Variants in LPP observed in about 807,000 individuals in gnomAD.
LPP encodes LIM domain containing preferred translocation partner in lipoma.
Under a neutral mutation model 60.4 loss-of-function variants are expected in LPP, and 38 were observed. That is an observed-to-expected ratio of 0.63 (90% confidence interval 0.49 to 0.83). The LOEUF (loss-of-function observed/expected upper bound fraction) is 0.83, where lower values mean the gene tolerates loss of function less well. Among genes scored for constraint, LPP ranks in the 40% least tolerant of loss-of-function variants. LPP has a pLI of 0.00. For synonymous variants in LPP, 328 were observed against 290.8 expected (o/e 1.13, Z -1.30); for missense variants, 902 against 783.6 (o/e 1.15, Z -1.80).
intron 1 of LPP, among the ~76,000 whole-genome samples, chr3:188,200,777 G>A (rs1272085194): frequency 6.6e-6 from 1 of 152,086 alleles, no homozygotes; most frequent in African/African-American, 2.4e-5. Flanking sequence ...TCTAGCTGGT[G>A]GAAATAGTCT....
chr3:188,487,233 C>T (rs1806814935), intron 5 of LPP, among the ~76,000 whole-genome samples: 1 of 152,070 alleles, frequency 6.6e-6, no homozygotes. Flanking sequence ...AAATGAAATA[C>T]AGATGGATTT....
chr3:188,742,068 T>C (rs9880140), intron 8 of LPP, among the ~76,000 whole-genome samples: 10,497 of 152,134 alleles, frequency 0.069, 487 homozygotes, highest in East Asian at 0.15. Flanking sequence ...TCAATATATG[T>C]AGTCATTAAA....
At chr3:188,590,722 C>A (rs1838514787) in intron 6 of LPP, among the ~76,000 whole-genome samples, 2 of 152,146 alleles carry the variant, frequency 1.3e-5, no homozygotes, top group Non-Finnish European at 2.9e-5. Flanking sequence ...CTGTGGCAAG[C>A]AGGAGGGCTC....
intron 9 of LPP, among the ~76,000 whole-genome samples, chr3:188,864,933 A>G (rs1239057501): frequency 1.3e-5 from 2 of 152,242 alleles, no homozygotes; most frequent in Non-Finnish European, 2.9e-5. Flanking sequence ...AAGCCAAATC[A>G]TAGGTCATTG....
intron 2 of LPP, among the ~76,000 whole-genome samples, chr3:188,287,041 C>G (rs528056289): frequency 6.6e-6 from 1 of 152,166 alleles, no homozygotes; most frequent in African/African-American, 2.4e-5. Context: ...GCTGGGATTA[C>G]AGGCACCCAT....
At chr3:188,795,566 T>G (rs1434557437) in intron 9 of LPP, among the ~76,000 whole-genome samples, 3 of 152,198 alleles carry the variant, frequency 2.0e-5, no homozygotes, top group Admixed American at 2.0e-4. Flanking sequence ...ACAAATATTC[T>G]ATTGGCTGGG....
chr3:188,705,321 A>T (rs959188292), intron 7 of LPP, among the ~76,000 whole-genome samples: 4 of 152,080 alleles, frequency 2.6e-5, no homozygotes, highest in African/African-American at 9.7e-5. Context: ...TCATCTTTGC[A>T]GGCTTGTTCC....
At chr3:188,542,983 A>T (rs1296548692) in intron 6 of LPP, among the ~76,000 whole-genome samples, 1 of 152,196 alleles carries the variant, frequency 6.6e-6, no homozygotes, top group South Asian at 2.1e-4. Context: ...ATCCCCATTT[A>T]TCTATCTCTA....
intron 2 of LPP, among the ~76,000 whole-genome samples, chr3:188,308,945 TCCTTCTC>T (rs766969972): frequency 6.6e-6 from 1 of 150,984 alleles, no homozygotes; most frequent in Non-Finnish European, 1.5e-5. Flanking sequence ...CTCCTCCTCC[TCCTTCTC>T]CCTTCTCCCT....
intron 3 of LPP, among the ~76,000 whole-genome samples, chr3:188,378,880 AT>A (rs1776067084): frequency 6.6e-6 from 1 of 151,974 alleles, no homozygotes; most frequent in Non-Finnish European, 1.5e-5. Context: ...CAGACATATC[AT>A]TTTCATTCCA....
At chr3:188,788,109 T>C (rs1742522047) in intron 9 of LPP, among the ~76,000 whole-genome samples, 1 of 152,258 alleles carries the variant, frequency 6.6e-6, no homozygotes, top group African/African-American at 2.4e-5. Flanking sequence ...TATCCACTTA[T>C]TAACCAATTT....
At chr3:188,419,706 A>G (rs966954778) in intron 4 of LPP, among the ~76,000 whole-genome samples, 4 of 151,984 alleles carry the variant, frequency 2.6e-5, no homozygotes, top group African/African-American at 9.7e-5. Flanking sequence ...TCTGGCCAAC[A>G]TGGCAAAACC....
intron 3 of LPP, among the ~76,000 whole-genome samples, chr3:188,371,641 ATTTTTTTTTTTT>A (rs1158606459): frequency 2.8e-3 from 90 of 32,136 alleles, no homozygotes; most frequent in African/African-American, 6.4e-3. Flanking sequence ...ATATATATAT[ATTTTTTTTTTTT>A]TTTTTTTTTT....
At chr3:188,419,190 T>C (rs1787130883) in intron 4 of LPP, among the ~76,000 whole-genome samples, 1 of 152,218 alleles carries the variant, frequency 6.6e-6, no homozygotes, top group Non-Finnish European at 1.5e-5. Flanking sequence ...TTAAATTCCG[T>C]TCTTTTACTG....
chr3:188,482,071 T>C (rs1053835860), intron 4 of LPP, among the ~76,000 whole-genome samples: 3 of 152,288 alleles, frequency 2.0e-5, no homozygotes, highest in East Asian at 3.9e-4. Context: ...CAAGATCTGA[T>C]GGTTTAAACT....
intron 1 of LPP, among the ~76,000 whole-genome samples, chr3:188,206,838 T>C (rs1577292782): frequency 6.6e-6 from 1 of 152,312 alleles, no homozygotes; most frequent in South Asian, 2.1e-4. Flanking sequence ...TCATTTGTAA[T>C]ATGGGAGTGA....
chr3:188,267,036 T>C (rs550083734), intron 2 of LPP, among the ~76,000 whole-genome samples: 1 of 152,286 alleles, frequency 6.6e-6, no homozygotes, highest in East Asian at 1.9e-4. Flanking sequence ...CCTGCTTTGC[T>C]TTTCTGCTTC....
intron 4 of LPP, chr3:188,472,798 T>G (rs1003912055): frequency 6.6e-6 from 1 of 152,226 alleles, no homozygotes; most frequent in Non-Finnish European, 1.5e-5. Context: ...GGAGATATTT[T>G]ACATGTTCCT....
intron 6 of LPP, among the ~76,000 whole-genome samples, chr3:188,545,992 T>G (rs1368827952): frequency 6.6e-6 from 1 of 152,214 alleles, no homozygotes; most frequent in Non-Finnish European, 1.5e-5. Context: ...GTATCACATT[T>G]TACTACATCA....
Sources: allele counts gnomAD v4.1 joint callset (sites outside exome capture counted in the v4.1 genomes callset), GRCh38; gene constraint gnomAD v4.1.1; transcripts MANE v1.5; gene names NCBI Gene and HGNC (gene_info 2026-07-23, HGNC 2026-07-21).